DNAH9: variants seen among roughly 807,000 people sequenced by gnomAD.
DNAH9 encodes dynein axonemal heavy chain 9, also known as DNAH9 variant protein.
A neutral mutation model predicts 471.6 loss-of-function variants in DNAH9; 345 were observed. That is an observed-to-expected ratio of 0.73 (90% CI 0.67 to 0.80). The LOEUF is 0.80. Ranked by LOEUF, DNAH9 falls within the 30% of genes least tolerant of loss-of-function variation. The pLI, the probability that DNAH9 is intolerant of heterozygous loss-of-function variation, is 0.00. For synonymous variants in DNAH9, 2,093 were observed against 2,123.6 expected, an observed-to-expected ratio of 0.99 and a Z score of 0.40; for missense variants, 5,407 against 5,609.2, an observed-to-expected ratio of 0.96 and a Z score of 1.15.
chr17:11,949,520 T>C (rs1975281767), intron 67 of DNAH9, among the ~76,000 whole-genome samples: 1 of 152,150 alleles, frequency 6.6e-6, no homozygotes, highest in East Asian at 1.9e-4. Flanking sequence ...TTGCTCTTGT[T>C]GTCCAGGCTG....
intron 48 of DNAH9, among the ~76,000 whole-genome samples, chr17:11,834,090 A>T (rs560999792): frequency 6.9e-4 from 105 of 152,162 alleles, no homozygotes; most frequent in Middle Eastern, 6.8e-3. Flanking sequence ...ACCCTTTGGG[A>T]GGCTGAGGCT....
At chr17:11,768,359 TC>T in intron 36 of DNAH9, 93 bp from the exon 37 acceptor site, 1 of 1,306,154 alleles carries the variant, frequency 7.7e-7, no homozygotes, top group Non-Finnish European at 1.1e-6. Context: ...GAGCACGTTG[TC>T]CTGCCCTGAC....
At chr17:11,938,756 G>A (rs768383352) in intron 66 of DNAH9, among the ~76,000 whole-genome samples, 3 of 151,766 alleles carry the variant, frequency 2.0e-5, no homozygotes, top group Non-Finnish European at 2.9e-5. Context: ...GTACCACCAC[G>A]CCCTGCTAAT....
At chr17:11,606,650 A>C (rs559026598) in intron 1 of DNAH9, among the ~76,000 whole-genome samples, 1 of 151,670 alleles carries the variant, frequency 6.6e-6, no homozygotes, top group Non-Finnish European at 1.5e-5. Flanking sequence ...GGGTTTCACC[A>C]TGTTGGCCAG....
chr17:11,771,464 C>T (rs915798912), intron 38 of DNAH9, among the ~76,000 whole-genome samples: 4 of 152,148 alleles, frequency 2.6e-5, no homozygotes, highest in East Asian at 3.9e-4. Context: ...GTTTAACAAC[C>T]AGCTTGCACA....
intron 11 of DNAH9, among the ~76,000 whole-genome samples, chr17:11,645,434 G>A (rs1160770204): frequency 1.3e-5 from 2 of 152,162 alleles, no homozygotes; most frequent in Non-Finnish European, 2.9e-5. Flanking sequence ...CTGAACTGCT[G>A]CAGTGGCTTC....
At chr17:11,671,978 T>A (rs2073979857) in intron 17 of DNAH9, among the ~76,000 whole-genome samples, 1 of 152,212 alleles carries the variant, frequency 6.6e-6, no homozygotes, top group African/African-American at 2.4e-5. Flanking sequence ...CAGTTGGTGA[T>A]TCTAGAAACT....
In DNAH9 at chr17:11,611,703, G is replaced by C. The variant is rs2072641125; in HGVS notation, c.827G>C (p.Gly276Ala). 1.2e-6 allele frequency: 2 copies of C among 1,613,608 alleles called. No individual in the cohort carries two copies. Among genetic ancestry groups the C allele is most frequent in the Non-Finnish European group, 1.7e-6 (2 of 1,179,594 alleles). Residue 276 changes from glycine (G) to alanine (A), a missense_variant, in exon 4 of 69, where the codon GGC becomes GCC. By Grantham distance (60) the Gly-to-Ala change is moderately conservative (BLOSUM62 0). Coordinates refer to ENST00000262442, the MANE Select transcript of DNAH9 (RefSeq NM_001372.4). The part of the protein sequence containing the change: ...YNQLRTITVR[G>A]MAKLLDKLQS... Reference sequence around the variant, plus strand: ...CAACTGAGAACAATAACGGTGAGGGGCATGGCCAAGCTCCTGGACAAGCTT... The same window carrying C: ...CAACTGAGAACAATAACGGTGAGGGCCATGGCCAAGCTCCTGGACAAGCTT...
chr17:11,905,612 T>C, intron 60 of DNAH9, 49 bp from the exon 61 acceptor site: 1 of 1,574,052 alleles, frequency 6.4e-7, no homozygotes, highest in Non-Finnish European at 8.6e-7. Context: ...TGTTACCATT[T>C]TGTGGCTGCT....
intron 28 of DNAH9, among the ~76,000 whole-genome samples, chr17:11,729,744 C>T (rs1259029720): frequency 6.6e-6 from 1 of 152,176 alleles, no homozygotes; most frequent in Non-Finnish European, 1.5e-5. Flanking sequence ...CATCCTTGTC[C>T]CCCTCTGCCC....
chr17:11,890,702 T>C (rs566457576), intron 57 of DNAH9, among the ~76,000 whole-genome samples: 1 of 152,248 alleles, frequency 6.6e-6, no homozygotes, highest in African/African-American at 2.4e-5. Context: ...TTTGTGTTGT[T>C]TTGTTTTGTT....
At chr17:11,798,389 C>T (rs1001719077) in intron 43 of DNAH9, among the ~76,000 whole-genome samples, 2 of 130,308 alleles carry the variant, frequency 1.5e-5, no homozygotes, top group Non-Finnish European at 3.1e-5. Context: ...GCCAAGATGG[C>T]GCCACTGCAC....
intron 45 of DNAH9, among the ~76,000 whole-genome samples, chr17:11,810,784 G>A (rs969640994): frequency 3.9e-5 from 6 of 152,104 alleles, no homozygotes; most frequent in African/African-American, 1.2e-4. Flanking sequence ...GAGCATGCAC[G>A]CGTAAAACTT....
intron 43 of DNAH9, among the ~76,000 whole-genome samples, chr17:11,804,873 CAAA>C (rs534191844): frequency 3.9e-5 from 4 of 101,524 alleles, no homozygotes; most frequent in African/African-American, 3.6e-5. Context: ...GACTCTGTCT[CAAA>C]AAAAAAAAAA....
chr17:11,745,594 A>C (rs73975088), intron 31 of DNAH9, among the ~76,000 whole-genome samples: 1 of 152,232 alleles, frequency 6.6e-6, no homozygotes, highest in Admixed American at 6.5e-5. Context: ...GGACAGACAC[A>C]GACACACACA....
intron 1 of DNAH9, among the ~76,000 whole-genome samples, chr17:11,604,736 A>C (rs1273011697): frequency 6.6e-6 from 1 of 151,874 alleles, no homozygotes; most frequent in Non-Finnish European, 1.5e-5. Context: ...ATTTGTTAAC[A>C]CATCCTATTG....
chr17:11,853,917 A>G lies in DNAH9; in HGVS notation c.9508-86A>G, dbSNP rs1386127713. ...GCTTCAAAGCAGCCCTTTCAAACCG[A>G]TCGCTCCACAACCTAACTCCATCAG... On this transcript the variant is annotated intron_variant, in intron 49 of 68. Coordinates refer to ENST00000262442, the MANE Select transcript of DNAH9 (RefSeq NM_001372.4). 4.5e-6 allele frequency: 6 copies of G among 1,328,092 alleles called. No homozygotes were observed. The Admixed American group carries it at 1.2e-4, about 28-fold the overall frequency. 82.3% of individuals were successfully genotyped at this position (1,328,092 alleles called of 1,614,324 possible).
chr17:11,941,692 CCGGATAGATAGATAGA>C lies in DNAH9; in HGVS notation c.12661-610_12661-595del, dbSNP rs1462108768. On this transcript the variant is annotated intron_variant, in intron 66 of 68. Coordinates refer to ENST00000262442, the MANE Select transcript of DNAH9 (RefSeq NM_001372.4). The stretch of plus-strand genomic sequence containing the variant: ...TAGAAACTCAGAACTGAGTGGATGA[CCGGATAGATAGATAGA>C]TAGATAGATAGATAGATAGATAGAT... 3.1e-5 allele frequency among the ~76,000 whole-genome samples: 4 copies of C among 127,976 alleles called. No homozygotes were observed. The East Asian group carries it at 6.9e-4, about 22-fold the overall frequency. 84.0% of individuals were successfully genotyped at this position (127,976 alleles called of 152,430 possible).
At chr17:11,731,520 G>T (rs2075270041) in intron 28 of DNAH9, among the ~76,000 whole-genome samples, 1 of 150,712 alleles carries the variant, frequency 6.6e-6, no homozygotes, top group African/African-American at 2.4e-5. Flanking sequence ...ATTTACATTA[G>T]GTATATCTCC....
Sources: allele counts gnomAD v4.1 joint callset (sites outside exome capture counted in the v4.1 genomes callset), GRCh38; gene constraint gnomAD v4.1.1; transcripts MANE v1.5; gene names NCBI Gene and HGNC (gene_info 2026-07-23, HGNC 2026-07-21).